The following LDHB variants were observed in gnomAD, a reference collection of about 807,000 sequenced individuals.
LDHB encodes L-lactate dehydrogenase B chain.
Under a neutral mutation model 33.4 loss-of-function variants are expected in LDHB, and 18 were observed. The observed-to-expected ratio is 0.54, with a 90% confidence interval of 0.37 to 0.80. LDHB has a LOEUF of 0.80. Among genes scored for constraint, LDHB ranks in the 30% least tolerant of loss-of-function variants. The probability of loss-of-function intolerance (pLI) is 0.00; values close to 1 mark genes in which losing one functional copy is unlikely to be tolerated. For missense variants in LDHB, 345 were observed against 407.9 expected (o/e 0.85, Z 1.33); for synonymous variants, 121 against 140.6 (o/e 0.86, Z 0.98).
chr12:21,640,511 A>T (rs1938346813), intron 5 of LDHB, among the ~76,000 whole-genome samples: 1 of 152,112 alleles, frequency 6.6e-6, no homozygotes, highest in Non-Finnish European at 1.5e-5. Context: ...TATTAAAAAT[A>T]AGATTTCATT....
intron 2 of LDHB, among the ~76,000 whole-genome samples, chr12:21,653,058 T>C (rs1938739150): frequency 6.6e-6 from 1 of 152,152 alleles, no homozygotes; most frequent in Non-Finnish European, 1.5e-5. Context: ...AAGGCAGCCA[T>C]CAGAAGAAAT....
At chr12:21,650,583 T>C (rs1200041125) in intron 2 of LDHB, among the ~76,000 whole-genome samples, 1 of 152,176 alleles carries the variant, frequency 6.6e-6, no homozygotes, top group Non-Finnish European at 1.5e-5. Flanking sequence ...TCATGACCCT[T>C]ACAACATGAT....
At chr12:21,657,337 C>A (rs1938882220) in intron 1 of LDHB, 1 of 152,116 alleles carries the variant, frequency 6.6e-6, no homozygotes. Context: ...GCAATATATT[C>A]AAATATTCGA....
At chr12:21,636,718 C>T (rs1254916358) in intron 7 of LDHB, among the ~76,000 whole-genome samples, 1 of 152,030 alleles carries the variant, frequency 6.6e-6, no homozygotes, top group Non-Finnish European at 1.5e-5. Context: ...GCTAAGGTAT[C>T]AAGTGCTATA....
chr12:21,639,292 AAAAATTTT>A (rs1301653573), intron 5 of LDHB, among the ~76,000 whole-genome samples: 1 of 152,016 alleles, frequency 6.6e-6, no homozygotes, highest in African/African-American at 2.4e-5. Context: ...GATCAACATG[AAAAATTTT>A]AAAAAGATGT....
intron 3 of LDHB, 34 bp downstream of exon 3, chr12:21,646,865 A>G (rs2136973260): frequency 7.9e-7 from 1 of 1,259,324 alleles, no homozygotes; most frequent in African/African-American, 1.5e-5. Flanking sequence ...CATGAAAAAA[A>G]TATTAGATCA....
rs201548991 is a variant in LDHB, at chr12:21,638,375, C to T, written c.691G>A (p.Val231Met). The part of the protein sequence containing the change: ...TDNDSENWKE[V>M]HKMVVESAYE... ...TACCTTTCAACCACCATCTTATGCA[C>T]TTCCTTCCAATTTTCACTATCATTG... is the stretch of plus-strand genomic sequence containing the variant. The change falls in exon 6 of 8, where the codon GTG (valine) becomes ATG (methionine). Residue 231 changes from valine (V) to methionine (M), a missense_variant. By Grantham distance (21) the Val-to-Met change is conservative. Coordinates refer to ENST00000350669, the MANE Select transcript of LDHB (RefSeq NM_002300.8). 9 of 1,603,744 alleles carry T rather than the reference C, an allele frequency of 5.6e-6. No individual in the cohort carries two copies. The highest frequency in any genetic ancestry group is 2.2e-5 in the East Asian group (1 of 44,802).
At chr12:21,642,998 G>A (rs542153572) in intron 4 of LDHB, among the ~76,000 whole-genome samples, 1 of 152,318 alleles carries the variant, frequency 6.6e-6, no homozygotes, top group Non-Finnish European at 1.5e-5. Context: ...AACTTACTAT[G>A]TGCTAGCTAC....
intron 3 of LDHB, 97 bp downstream of exon 3, chr12:21,646,802 C>T: frequency 1.3e-6 from 1 of 780,766 alleles, no homozygotes. Context: ...ACCTTTCCTA[C>T]TTACAAATAA....
intron 3 of LDHB, among the ~76,000 whole-genome samples, chr12:21,644,815 G>A (rs1056292910): frequency 5.9e-5 from 9 of 152,126 alleles, no homozygotes; most frequent in Admixed American, 1.3e-4. Flanking sequence ...ATTTCATAAG[G>A]TTGTTGCAAA....
At chr12:21,649,506 T>G (rs2136977078) in intron 2 of LDHB, among the ~76,000 whole-genome samples, 1 of 152,320 alleles carries the variant, frequency 6.6e-6, no homozygotes, top group Non-Finnish European at 1.5e-5. Context: ...TAAGCATGTT[T>G]AAAATGTTTG....
intron 5 of LDHB, among the ~76,000 whole-genome samples, chr12:21,640,908 C>T (rs1938355207): frequency 6.6e-6 from 1 of 150,790 alleles, no homozygotes; most frequent in African/African-American, 2.4e-5. Flanking sequence ...GATAGTGACA[C>T]AATATTTTGG....
rs5796919 is a variant in LDHB, at chr12:21,650,103, A to AAAATAT, written c.130-3088_130-3087insATATTT. Reference sequence around the variant, plus strand: ...AGACTCTCTCTCTCAAGAGAAAAAAAATACACACACACACACACACACACA... The same window carrying AAAATAT: ...AGACTCTCTCTCTCAAGAGAAAAAAAAAATATATACACACACACACACACACACACA... On this transcript the variant is annotated intron_variant, in intron 2 of 7. Coordinates refer to ENST00000350669, the MANE Select transcript of LDHB (RefSeq NM_002300.8). Among the ~76,000 whole-genome samples, 33 of 137,080 alleles carry AAAATAT rather than the reference A, an allele frequency of 2.4e-4. 2 individuals carry two copies. Among genetic ancestry groups the AAAATAT allele is most frequent in the African/African-American group, 4.0e-4 (14 of 35,034 alleles). The allele number at this position is 137,080 out of a possible 152,430, so 89.9% of individuals were successfully genotyped here. A position where few individuals can be genotyped will look rare whatever the true frequency, so the allele number is the denominator to read the frequency against.
intron 1 of LDHB, among the ~76,000 whole-genome samples, chr12:21,655,503 G>A (rs1938817218): frequency 6.6e-6 from 1 of 152,168 alleles, no homozygotes. Context: ...ACAGTGTACT[G>A]GACATAGAAT....
chr12:21,644,732 G>T (rs1238977709), intron 3 of LDHB, among the ~76,000 whole-genome samples: 1 of 152,154 alleles, frequency 6.6e-6, no homozygotes, highest in African/African-American at 2.4e-5. Context: ...CTGGGTTACA[G>T]TGCGGCTTTT....
At chr12:21,635,765 C>A in intron 7 of LDHB, 56 bp from the exon 8 acceptor site, 1 of 1,536,184 alleles carries the variant, frequency 6.5e-7, no homozygotes, top group South Asian at 1.1e-5. Context: ...TAAAAATGAT[C>A]AAAGACAGGA....
chr12:21,647,078 C>G, intron 2 of LDHB, 62 bp from the exon 3 acceptor site: 3 of 913,458 alleles, frequency 3.3e-6, no homozygotes, highest in Non-Finnish European at 5.4e-6. Context: ...AGCTCACAAT[C>G]TAACCCAAAG....
intron 4 of LDHB, chr12:21,643,603 C>A: frequency 3.8e-6 from 1 of 265,620 alleles, no homozygotes; most frequent in Non-Finnish European, 7.2e-6. Flanking sequence ...CAAAATGTTT[C>A]TTACAAATTG....
chr12:21,651,389 T>C (rs1938685119), intron 2 of LDHB, among the ~76,000 whole-genome samples: 3 of 152,026 alleles, frequency 2.0e-5, no homozygotes, highest in African/African-American at 7.2e-5. Flanking sequence ...CTGCAGAGAG[T>C]GGGCAAAAGT....
Sources: allele counts gnomAD v4.1 joint callset (sites outside exome capture counted in the v4.1 genomes callset), GRCh38; gene constraint gnomAD v4.1.1; transcripts MANE v1.5; gene names NCBI Gene and HGNC (gene_info 2026-07-23, HGNC 2026-07-21).